ADAMTS6: variants seen among roughly 807,000 people sequenced by gnomAD.
ADAMTS6 encodes ADAM metallopeptidase with thrombospondin type 1 motif 6.
ADAMTS6 carries 23 observed loss-of-function variants against 144.3 expected under a neutral mutation model. The observed-to-expected ratio is 0.16, with a 90% CI of 0.11 to 0.23. The LOEUF (loss-of-function observed/expected upper bound fraction) is 0.23. ADAMTS6 is among the 10% of genes least tolerant of loss of function. The pLI is 1.00. For missense variants in ADAMTS6, 999 were observed against 1,379.6 expected (o/e 0.72, Z 4.37); for synonymous variants, 444 against 457.5 (o/e 0.97, Z 0.38).
At chr5:65,396,372 G>T (rs1302435748) in intron 7 of ADAMTS6, among the ~76,000 whole-genome samples, 1 of 152,098 alleles carries the variant, frequency 6.6e-6, no homozygotes, top group Non-Finnish European at 1.5e-5. Flanking sequence ...AAGTTTATAG[G>T]ATTTCAAATG....
chr5:65,455,520 C>A (rs1191878117), intron 4 of ADAMTS6, among the ~76,000 whole-genome samples: 1 of 151,916 alleles, frequency 6.6e-6, no homozygotes, highest in Non-Finnish European at 1.5e-5. Context: ...CTAGCCTGGG[C>A]AACAGGGCGA....
intron 11 of ADAMTS6, among the ~76,000 whole-genome samples, chr5:65,275,263 G>A (rs1219569056): frequency 6.9e-6 from 1 of 144,332 alleles, no homozygotes; most frequent in Non-Finnish European, 1.5e-5. Context: ...AGAGAGAGAG[G>A]TAGGGAGGGA....
At chr5:65,234,078 CAA>C (rs3078364) in intron 15 of ADAMTS6, among the ~76,000 whole-genome samples, 11,281 of 90,252 alleles carry the variant, frequency 0.12, 454 homozygotes, top group East Asian at 0.17. Flanking sequence ...TGGTCACGTG[CAA>C]AAAAAAAAAA....
intron 7 of ADAMTS6, among the ~76,000 whole-genome samples, chr5:65,428,225 CAAA>C (rs759344039): frequency 8.6e-5 from 5 of 58,414 alleles, no homozygotes; most frequent in Admixed American, 2.0e-4. Context: ...GACTCCATCT[CAAA>C]AAAAAAAAAA....
intron 7 of ADAMTS6, among the ~76,000 whole-genome samples, chr5:65,392,609 C>G (rs1015491810): frequency 3.3e-5 from 5 of 152,116 alleles, no homozygotes; most frequent in African/African-American, 1.2e-4. Context: ...TTATATGACC[C>G]CATTGTTTTA....
At chr5:65,343,688 A>G (rs1426455426) in intron 7 of ADAMTS6, among the ~76,000 whole-genome samples, 1 of 152,062 alleles carries the variant, frequency 6.6e-6, no homozygotes, top group Non-Finnish European at 1.5e-5. Flanking sequence ...AAGCAAAAAT[A>G]AACAAATGGA....
chr5:65,377,752 T>C (rs972293228), intron 7 of ADAMTS6, among the ~76,000 whole-genome samples: 11 of 152,194 alleles, frequency 7.2e-5, no homozygotes, highest in African/African-American at 2.7e-4. Flanking sequence ...TAGCTTCTCA[T>C]GTCAGCCATA....
At chr5:65,238,949 C>T (rs1758919215) in intron 15 of ADAMTS6, among the ~76,000 whole-genome samples, 1 of 152,136 alleles carries the variant, frequency 6.6e-6, no homozygotes, top group African/African-American at 2.4e-5. Context: ...CAAAAATTTA[C>T]ATGAAAATGC....
chr5:65,298,543 A>G (rs952382322), intron 10 of ADAMTS6, among the ~76,000 whole-genome samples: 3 of 152,146 alleles, frequency 2.0e-5, no homozygotes, highest in African/African-American at 7.2e-5. Flanking sequence ...AGAAAATGAT[A>G]TTGCTAGTGC....
At position 65,273,383 on chromosome 5, in the gene ADAMTS6, G is replaced by A. The variant is rs766674260; in HGVS notation, c.1577C>T (p.Ala526Val). The change falls in exon 12 of 25, where the codon GCA (alanine) becomes GTA (valine). Residue 526 changes from alanine (A) to valine (V), a missense_variant. Ala to Val is a moderately conservative substitution (Grantham distance 64). Coordinates refer to ENST00000381055, the MANE Select transcript of ADAMTS6 (RefSeq NM_197941.4). The part of the protein sequence containing the change: ...SNRCVTNSIP[A>V]AEGTLCQTGN... Reference sequence around the variant, plus strand: ...AGTTTGACACAGTGTCCCCTCAGCTGCTGGAATACTGTTGGTGACACAGCG... The same window carrying A: ...AGTTTGACACAGTGTCCCCTCAGCTACTGGAATACTGTTGGTGACACAGCG... The A allele has an allele frequency of 5.6e-6, 9 of 1,613,932 alleles. No homozygotes were observed. The highest frequency in any genetic ancestry group is 1.7e-4 in the Middle Eastern group (1 of 6,056).
At chr5:65,441,010 G>A (rs1183719973) in intron 7 of ADAMTS6, among the ~76,000 whole-genome samples, 2 of 152,010 alleles carry the variant, frequency 1.3e-5, no homozygotes, top group Admixed American at 1.3e-4. Context: ...ATGCAAAGAA[G>A]CAATAAAATA....
At chr5:65,313,424 TATA>T (rs1744696124) in intron 9 of ADAMTS6, among the ~76,000 whole-genome samples, 2 of 152,066 alleles carry the variant, frequency 1.3e-5, no homozygotes, top group Admixed American at 6.6e-5. Context: ...ATATTGTATA[TATA>T]ATATGTATGT....
intron 15 of ADAMTS6, among the ~76,000 whole-genome samples, chr5:65,238,813 C>A (rs919735684): frequency 1.3e-5 from 2 of 152,004 alleles, no homozygotes; most frequent in Non-Finnish European, 2.9e-5. Context: ...GAGGGATATA[C>A]CATGTTCAAA....
intron 7 of ADAMTS6, among the ~76,000 whole-genome samples, chr5:65,372,398 A>C (rs1209620061): frequency 6.6e-6 from 1 of 151,848 alleles, no homozygotes; most frequent in Non-Finnish European, 1.5e-5. Context: ...CTCAAAATAA[A>C]AGGATGGAGG....
intron 7 of ADAMTS6, among the ~76,000 whole-genome samples, chr5:65,364,080 ACTC>A (rs1750076879): frequency 6.6e-6 from 1 of 152,100 alleles, no homozygotes; most frequent in Non-Finnish European, 1.5e-5. Context: ...AGTGTCCTGA[ACTC>A]CTGTCACCTG....
intron 9 of ADAMTS6, among the ~76,000 whole-genome samples, chr5:65,315,985 C>T (rs1037906254): frequency 7.2e-5 from 11 of 152,154 alleles, no homozygotes; most frequent in Admixed American, 1.3e-4. Flanking sequence ...AAGCTCAGCT[C>T]ACTGCAACCT....
Position 65,460,936 on chromosome 5 carries a change from A to G in ADAMTS6, c.463-598T>C, listed in dbSNP as rs544910685. On this transcript the variant is annotated intron_variant, in intron 3 of 24. Transcript: ENST00000381055. Reference sequence around the variant, plus strand: ...AAGAAATAAGCTTCTATTGTGACAAATCATTGACATTTTGAGGTTTATGTT... The same window carrying G: ...AAGAAATAAGCTTCTATTGTGACAAGTCATTGACATTTTGAGGTTTATGTT... Among the ~76,000 whole-genome samples the G allele has an allele frequency of 2.8e-4, 43 of 152,318 alleles. 1 individual carries two copies. The South Asian group carries it at 4.8e-3, about 17-fold the overall frequency.
At chr5:65,434,588 G>A (rs2201292) in intron 7 of ADAMTS6, among the ~76,000 whole-genome samples, 30,544 of 151,980 alleles carry the variant, frequency 0.2, 4,583 homozygotes, top group African/African-American at 0.43. Flanking sequence ...GACAAACTAA[G>A]TTCATAACAG....
chr5:65,317,512 A>C (rs1365432278), intron 9 of ADAMTS6, among the ~76,000 whole-genome samples: 1 of 152,218 alleles, frequency 6.6e-6, no homozygotes, highest in Non-Finnish European at 1.5e-5. Flanking sequence ...AAATTTACTG[A>C]GTAATATCCC....
Sources: gnomAD v4.1 joint callset for allele counts (sites outside exome capture counted in the v4.1 genomes callset) on GRCh38, gnomAD v4.1.1 for gene constraint, MANE v1.5 for transcripts, NCBI Gene and HGNC (gene_info 2026-07-23, HGNC 2026-07-21) for gene names.